Variants in SNX29 observed in about 807,000 individuals in gnomAD.
SNX29 encodes the protein sorting nexin 29, also known as sorting nexin-29.
SNX29 carries 78 observed loss-of-function variants against 102.1 expected under a neutral mutation model. The observed-to-expected ratio is 0.76, with a 90% CI of 0.64 to 0.92. The LOEUF is 0.92. Ranked by LOEUF, SNX29 falls within the 40% of genes least tolerant of loss-of-function variation. The probability of loss-of-function intolerance (pLI) is 0.00; values close to 1 mark genes in which losing one functional copy is unlikely to be tolerated. For synonymous variants in SNX29, 580 were observed against 414.5 expected (o/e 1.40, Z -4.85); for missense variants, 1,280 against 1,061.7 (o/e 1.21, Z -2.86).
At chr16:12,038,001 A>C (rs1284969105) in intron 4 of SNX29, among the ~76,000 whole-genome samples, 2 of 151,926 alleles carry the variant, frequency 1.3e-5, no homozygotes, top group Non-Finnish European at 2.9e-5. Flanking sequence ...AACAAAAAAA[A>C]CCCCAAACAA....
At chr16:12,107,118 C>T (rs1017766405) in intron 11 of SNX29, among the ~76,000 whole-genome samples, 1 of 152,200 alleles carries the variant, frequency 6.6e-6, no homozygotes, top group African/African-American at 2.4e-5. Context: ...GCACATGGCC[C>T]TGCATCACTT....
At chr16:12,504,565 A>G (rs1227814046) in intron 19 of SNX29, among the ~76,000 whole-genome samples, 89 of 152,374 alleles carry the variant, frequency 5.8e-4, no homozygotes, top group Non-Finnish European at 8.8e-5. Flanking sequence ...AGCATGTATC[A>G]GTGCAGTAAC....
intron 15 of SNX29, among the ~76,000 whole-genome samples, chr16:12,339,933 A>G (rs147839287): frequency 2.0e-5 from 3 of 152,184 alleles, no homozygotes; most frequent in Admixed American, 1.3e-4. Context: ...CACTAGGAAG[A>G]GAGGTGGTTT....
intron 15 of SNX29, among the ~76,000 whole-genome samples, chr16:12,299,416 T>G (rs138478265): frequency 2.4e-3 from 369 of 152,346 alleles, no homozygotes; most frequent in Non-Finnish European, 3.8e-3. Context: ...GGACGGTGTT[T>G]AGTTTGATTC....
At chr16:12,340,611 G>A (rs1392629534) in intron 15 of SNX29, among the ~76,000 whole-genome samples, 3 of 152,176 alleles carry the variant, frequency 2.0e-5, no homozygotes, top group Non-Finnish European at 4.4e-5. Flanking sequence ...GGCAGTGTGA[G>A]GTTATTATCA....
rs546857818 is a variant in SNX29 at position 12,523,667 on chromosome 16, AC to A, written c.2179-1034del. Among the ~76,000 whole-genome samples the A allele has an allele frequency of 2.4e-4, 36 of 152,286 alleles. No individual in the cohort carries two copies. The East Asian group carries it at 6.8e-3, about 29-fold the overall frequency. On this transcript the variant is annotated intron_variant, in intron 19 of 20. Transcript: ENST00000566228. ...GACCCTCTGTGACAGCTTGGGTTGCACACCAAGCAAGCTGGCCCTGCCCACA... is the reference window on the plus strand; with the variant it reads ...GACCCTCTGTGACAGCTTGGGTTGCAACCAAGCAAGCTGGCCCTGCCCACA...
intron 18 of SNX29, among the ~76,000 whole-genome samples, chr16:12,468,143 C>T (rs942541170): frequency 6.6e-6 from 1 of 150,704 alleles, no homozygotes. Flanking sequence ...CAGCTGTTCC[C>T]CTTCCAGGAC....
chr16:12,014,145 C>T (rs937920654), intron 3 of SNX29, among the ~76,000 whole-genome samples: 2 of 152,040 alleles, frequency 1.3e-5, no homozygotes, highest in Non-Finnish European at 2.9e-5. Flanking sequence ...TTTTTGTTCT[C>T]TCAGGCTGTG....
chr16:12,400,820 A>G (rs541280048), intron 17 of SNX29, among the ~76,000 whole-genome samples: 69 of 107,782 alleles, frequency 6.4e-4, no homozygotes, highest in Non-Finnish European at 1.3e-3. Flanking sequence ...CCTCACTTTC[A>G]TTTATTTATT....
intron 1 of SNX29, among the ~76,000 whole-genome samples, chr16:11,993,847 G>A (rs112554491): frequency 0.019 from 2,911 of 152,262 alleles, 98 homozygotes; most frequent in African/African-American, 0.066. Context: ...AAGGCCGGGC[G>A]CGGTGGCTCA....
chr16:12,115,436 G>C (rs1385839756), intron 11 of SNX29, among the ~76,000 whole-genome samples: 1 of 151,244 alleles, frequency 6.6e-6, no homozygotes, highest in Non-Finnish European at 1.5e-5. Flanking sequence ...AGTTTTTGCT[G>C]CCTCTACTGT....
At chr16:12,425,057 T>G (rs914046131) in intron 18 of SNX29, among the ~76,000 whole-genome samples, 14 of 152,166 alleles carry the variant, frequency 9.2e-5, no homozygotes, top group Admixed American at 2.0e-4. Flanking sequence ...ATAAACAATG[T>G]TGAGTGAAAG....
intron 15 of SNX29, among the ~76,000 whole-genome samples, chr16:12,299,620 G>A (rs1362850960): frequency 6.6e-6 from 1 of 152,058 alleles, no homozygotes; most frequent in South Asian, 2.1e-4. Flanking sequence ...TTGCTACTGG[G>A]TTGGCTATTG....
intron 1 of SNX29, chr16:11,977,614 T>TTCCCAGTCCAAACTTCTTCC (rs2055332382): frequency 6.5e-6 from 1 of 152,700 alleles, no homozygotes; most frequent in East Asian, 1.9e-4. Flanking sequence ...GTCCTTCTTC[T>TTCCCAGTCCAAACTTCTTCC]TCCCAGTCCA....
At chr16:12,026,874 C>G (rs754572056) in intron 3 of SNX29, among the ~76,000 whole-genome samples, 1 of 152,144 alleles carries the variant, frequency 6.6e-6, no homozygotes, top group Non-Finnish European at 1.5e-5. Flanking sequence ...ATTTGGCAGC[C>G]TGGTGAATTC....
At chr16:12,544,679 C>G (rs930091865) in intron 20 of SNX29, among the ~76,000 whole-genome samples, 5 of 152,212 alleles carry the variant, frequency 3.3e-5, no homozygotes, top group African/African-American at 1.2e-4. Flanking sequence ...TTTGAGAGCG[C>G]TGTCACTCGA....
chr16:12,374,351 A>G (rs181296515), intron 16 of SNX29: 1 of 152,366 alleles, frequency 6.6e-6, no homozygotes, highest in East Asian at 1.9e-4. Flanking sequence ...CCCTCACCAG[A>G]TGCAGTAACC....
chr16:12,490,837 A>G (rs76925574), intron 19 of SNX29, among the ~76,000 whole-genome samples: 18 of 152,260 alleles, frequency 1.2e-4, no homozygotes, highest in Admixed American at 9.2e-4. Context: ...ACACACACGT[A>G]TAACCATCCA....
intron 19 of SNX29, among the ~76,000 whole-genome samples, chr16:12,519,111 G>A (rs554142240): frequency 6.6e-6 from 1 of 152,230 alleles, no homozygotes; most frequent in African/African-American, 2.4e-5. Flanking sequence ...CCACTGGCAG[G>A]GCTGCTCATT....
Sources: allele counts gnomAD v4.1 joint callset (sites outside exome capture counted in the v4.1 genomes callset), GRCh38; gene constraint gnomAD v4.1.1; transcripts MANE v1.5; gene names NCBI Gene and HGNC (gene_info 2026-07-23, HGNC 2026-07-21).